Variants in OTUD7A observed in about 807,000 individuals in gnomAD.
The protein encoded by OTUD7A is OTU domain-containing protein 7A.
Under a neutral mutation model 65.7 loss-of-function variants are expected in OTUD7A, and 12 were observed. That is an observed-to-expected ratio of 0.18 (90% CI 0.12 to 0.30). The LOEUF (loss-of-function observed/expected upper bound fraction) is 0.30, where lower values mean the gene tolerates loss of function less well. OTUD7A is among the 10% of genes least tolerant of loss of function. The probability of loss-of-function intolerance (pLI) is 1.00; values close to 1 mark genes in which losing one functional copy is unlikely to be tolerated. For missense variants in OTUD7A, 1,148 were observed against 1,304.8 expected, an observed-to-expected ratio of 0.88 and a Z score of 1.85; for synonymous variants, 641 against 586.3, an observed-to-expected ratio of 1.09 and a Z score of -1.35.
chr15:31,765,950 T>C (rs1409114049), intron 1 of OTUD7A: 33 of 1,352,758 alleles, frequency 2.4e-5, no homozygotes, highest in Non-Finnish European at 3.4e-5. Flanking sequence ...TTTCTAAAAG[T>C]TCTGCAATTG....
At chr15:31,527,553 C>T (rs1390488082) in intron 6 of OTUD7A, among the ~76,000 whole-genome samples, 2 of 152,370 alleles carry the variant, frequency 1.3e-5, no homozygotes, top group East Asian at 1.9e-4. Flanking sequence ...AAATCAAGTG[C>T]TTTTCCTCTC....
At chr15:31,547,452 G>T (rs1040693554) in intron 5 of OTUD7A, among the ~76,000 whole-genome samples, 1 of 152,136 alleles carries the variant, frequency 6.6e-6, no homozygotes, top group East Asian at 1.9e-4. Flanking sequence ...ACATCTAAAG[G>T]TTCTATTTTC....
At chr15:31,659,368 C>A (rs1011988310) in intron 1 of OTUD7A, among the ~76,000 whole-genome samples, 2 of 152,134 alleles carry the variant, frequency 1.3e-5, no homozygotes, top group African/African-American at 4.8e-5. Context: ...AGCTGGGATC[C>A]ACTTCATCCT....
intron 5 of OTUD7A, among the ~76,000 whole-genome samples, chr15:31,550,814 CAT>C (rs1888297580): frequency 6.6e-6 from 1 of 152,182 alleles, no homozygotes; most frequent in African/African-American, 2.4e-5. Flanking sequence ...ATTCATTTCA[CAT>C]GTGTATCCTG....
chr15:31,732,525 T>A (rs73378606), intron 1 of OTUD7A, among the ~76,000 whole-genome samples: 1 of 152,222 alleles, frequency 6.6e-6, no homozygotes, highest in African/African-American at 2.4e-5. Flanking sequence ...AAGCTGTTCA[T>A]AACACACGGC....
intron 5 of OTUD7A, among the ~76,000 whole-genome samples, chr15:31,551,676 A>G (rs920905227): frequency 6.6e-6 from 1 of 152,202 alleles, no homozygotes; most frequent in Non-Finnish European, 1.5e-5. Context: ...AAACGTGACA[A>G]TTCTCTATCA....
chr15:31,610,617 A>ATATATATTTTTTTTTTTTTTTTTT, intron 3 of OTUD7A, among the ~76,000 whole-genome samples: 3 of 30,562 alleles, frequency 9.8e-5, no homozygotes, highest in Non-Finnish European at 1.5e-4. Context: ...ATATATATAT[A>ATATATATTTTTTTTTTTTTTTTTT]TTTTTTTTTT....
chr15:31,679,709 T>C (rs945652425), intron 1 of OTUD7A, among the ~76,000 whole-genome samples: 5 of 152,214 alleles, frequency 3.3e-5, no homozygotes, highest in African/African-American at 1.2e-4. Flanking sequence ...TGCTGAACTG[T>C]GAGCCAATTA....
intron 1 of OTUD7A, among the ~76,000 whole-genome samples, chr15:31,802,249 C>T (rs1301972221): frequency 6.6e-6 from 1 of 151,868 alleles, no homozygotes; most frequent in Non-Finnish European, 1.5e-5. Flanking sequence ...CATTCTGAGT[C>T]CCAAAACTGA....
intron 3 of OTUD7A, among the ~76,000 whole-genome samples, chr15:31,646,573 G>A (rs543929686): frequency 2.4e-4 from 37 of 151,486 alleles, no homozygotes; most frequent in South Asian, 2.1e-3. Context: ...CAATTCTCCT[G>A]CCTCAGCCTC....
At chr15:31,830,396 T>A (rs114210739) in intron 1 of OTUD7A, among the ~76,000 whole-genome samples, 69 of 152,284 alleles carry the variant, frequency 4.5e-4, no homozygotes, top group African/African-American at 1.6e-3. Flanking sequence ...GTTACAATGT[T>A]TTAGGTCCTA....
At chr15:31,684,103 G>C (rs1445425405) in intron 1 of OTUD7A, among the ~76,000 whole-genome samples, 3 of 152,252 alleles carry the variant, frequency 2.0e-5, no homozygotes, top group Non-Finnish European at 2.9e-5. Flanking sequence ...GCCAAGGATG[G>C]GGAATCTTTC....
At chr15:31,526,521 CT>C in intron 7 of OTUD7A, 60 bp from the exon 8 acceptor site, 1 of 1,360,608 alleles carries the variant, frequency 7.3e-7, no homozygotes, top group Non-Finnish European at 9.9e-7. Flanking sequence ...CCCTCCTCTC[CT>C]CACCCTCCCA....
intron 3 of OTUD7A, among the ~76,000 whole-genome samples, chr15:31,586,491 G>T (rs1259075644): frequency 6.6e-6 from 1 of 152,132 alleles, no homozygotes; most frequent in Non-Finnish European, 1.5e-5. Context: ...AGTGTCAGGG[G>T]CCAGATTTTG....
At chr15:31,533,794 A>C (rs772968672) in intron 5 of OTUD7A, among the ~76,000 whole-genome samples, 1 of 152,218 alleles carries the variant, frequency 6.6e-6, no homozygotes, top group Non-Finnish European at 1.5e-5. Flanking sequence ...GAGTTTTCTA[A>C]ATTATGTCTG....
At chr15:31,489,020 T>A (rs898985836) in intron 10 of OTUD7A, among the ~76,000 whole-genome samples, 3 of 152,206 alleles carry the variant, frequency 2.0e-5, no homozygotes, top group African/African-American at 7.2e-5. Context: ...TTTCCAGATC[T>A]GAGCTGCAGG....
rs139776575 is a variant in OTUD7A, at chr15:31,717,632, A to G, written c.-99-60555T>C. On this transcript the variant is annotated intron_variant, in intron 1 of 12. Transcript: ENST00000307050. Reference sequence around the variant, plus strand: ...ATATGTGCCACATTTTCTTTATCCAATCTATCACTGATAGGCATTTGGGTT... The same window carrying G: ...ATATGTGCCACATTTTCTTTATCCAGTCTATCACTGATAGGCATTTGGGTT... 1.3e-3 allele frequency among the ~76,000 whole-genome samples: 203 copies of G among 152,234 alleles called. 5 individuals are homozygous for G. In the East Asian group the frequency reaches 0.035, roughly 26 times the overall value.
At chr15:31,617,681 A>G (rs1475899707) in intron 3 of OTUD7A, among the ~76,000 whole-genome samples, 1 of 152,124 alleles carries the variant, frequency 6.6e-6, no homozygotes, top group East Asian at 1.9e-4. Flanking sequence ...TCTGGGGAGA[A>G]AGAAGGTGCA....
chr15:31,725,370 T>C (rs1893855837), intron 1 of OTUD7A, among the ~76,000 whole-genome samples: 2 of 152,192 alleles, frequency 1.3e-5, no homozygotes, highest in South Asian at 4.1e-4. Context: ...GGTGTGACTG[T>C]ATGGTTGCGT....
Sources: gnomAD v4.1 joint callset for allele counts (sites outside exome capture counted in the v4.1 genomes callset) on GRCh38, gnomAD v4.1.1 for gene constraint, MANE v1.5 for transcripts, NCBI Gene and HGNC (gene_info 2026-07-23, HGNC 2026-07-21) for gene names.